The following CNTN5 variants were observed in gnomAD, a reference collection of about 807,000 sequenced individuals.
CNTN5 encodes contactin 5.
A neutral mutation model predicts 129.1 loss-of-function variants in CNTN5; 77 were observed. The observed-to-expected ratio is 0.60, with a 90% CI of 0.50 to 0.72. The LOEUF is 0.72. Ranked by LOEUF, CNTN5 falls within the 30% of genes least tolerant of loss-of-function variation. The probability of loss-of-function intolerance (pLI) is 0.00; values close to 1 mark genes in which losing one functional copy is unlikely to be tolerated. For synonymous variants in CNTN5, 509 were observed against 465.6 expected, an observed-to-expected ratio of 1.09 and a Z score of -1.20; for missense variants, 1,478 against 1,328.8, an observed-to-expected ratio of 1.11 and a Z score of -1.75.
chr11:99,206,603 A>G (rs1420895301), intron 1 of CNTN5, among the ~76,000 whole-genome samples: 4 of 149,494 alleles, frequency 2.7e-5, no homozygotes, highest in Non-Finnish European at 6.0e-5. Flanking sequence ...GGTTTTGACA[A>G]AAGTTCTTAC....
At chr11:99,241,317 G>GTT (rs1565430527) in intron 1 of CNTN5, among the ~76,000 whole-genome samples, 1,165 of 59,824 alleles carry the variant, frequency 0.019, 14 homozygotes, top group African/African-American at 0.061. Context: ...TTTGATTGTT[G>GTT]GTTTTTTTTT....
chr11:99,281,699 A>G (rs987435176), intron 1 of CNTN5, among the ~76,000 whole-genome samples: 5 of 152,038 alleles, frequency 3.3e-5, no homozygotes, highest in African/African-American at 1.2e-4. Flanking sequence ...ATTTCAATAT[A>G]TAATCATATT....
intron 8 of CNTN5, among the ~76,000 whole-genome samples, chr11:99,971,477 A>C (rs1951250900): frequency 6.6e-6 from 1 of 151,754 alleles, no homozygotes; most frequent in Admixed American, 6.6e-5. Context: ...CGAGAGGCGG[A>C]GGTTGCAGTG....
Position 100,215,500 on chromosome 11 carries a change from C to A in CNTN5, c.1885-9192C>A, listed in dbSNP as rs988211425. 5.9e-5 allele frequency among the ~76,000 whole-genome samples: 9 copies of A among 152,130 alleles called. 1 individual carries two copies. In the South Asian group the frequency reaches 6.2e-4, roughly 11 times the overall value. On this transcript the variant is annotated intron_variant, in intron 15 of 24. Coordinates refer to ENST00000524871, the MANE Select transcript of CNTN5 (RefSeq NM_014361.4). ...GTAGTGTTACCATAAAGCACAGCAA[C>A]TAATGCAGTGTAAAACAGATTGTGA...
chr11:100,192,693 T>A (rs1452575), intron 14 of CNTN5, among the ~76,000 whole-genome samples: 1 of 151,806 alleles, frequency 6.6e-6, no homozygotes, highest in African/African-American at 2.4e-5. Context: ...AGCTAATCAC[T>A]AACTTAACTC....
intron 1 of CNTN5, among the ~76,000 whole-genome samples, chr11:99,137,855 T>C (rs4753942): frequency 0.9 from 136,687 of 151,946 alleles, 61,684 homozygotes; most frequent in East Asian, 0.99. Flanking sequence ...TAAGGGTATT[T>C]CTCCCCTGCA....
intron 15 of CNTN5, among the ~76,000 whole-genome samples, chr11:100,213,927 T>C (rs180792052): frequency 6.6e-6 from 1 of 152,254 alleles, no homozygotes; most frequent in Admixed American, 6.5e-5. Context: ...TTTCTAAGCA[T>C]CAGAAACTTT....
At chr11:99,500,427 TC>T (rs1946384878) in intron 2 of CNTN5, among the ~76,000 whole-genome samples, 1 of 152,168 alleles carries the variant, frequency 6.6e-6, no homozygotes, top group Non-Finnish European at 1.5e-5. Context: ...AATATTTTTT[TC>T]TAAACTCTCG....
At chr11:99,089,345 A>G (rs905395256) in intron 1 of CNTN5, among the ~76,000 whole-genome samples, 11 of 152,220 alleles carry the variant, frequency 7.2e-5, no homozygotes, top group Admixed American at 7.2e-4. Context: ...AACACTTTAT[A>G]CAGATAATCA....
chr11:99,432,418 T>TCTTTTCTTTTCCTTTTCTTTC (rs1943409285), intron 2 of CNTN5, among the ~76,000 whole-genome samples: 1 of 150,482 alleles, frequency 6.6e-6, no homozygotes, highest in African/African-American at 2.4e-5. Flanking sequence ...TCTGTTTCTT[T>TCTTTTCTTTTCCTTTTCTTTC]CTTTTCTTTT....
At chr11:99,810,879 GT>G (rs1355311341) in intron 3 of CNTN5, among the ~76,000 whole-genome samples, 8 of 152,012 alleles carry the variant, frequency 5.3e-5, no homozygotes, top group Admixed American at 2.6e-4. Context: ...TATGTCTTCT[GT>G]TTTTTTCTGT....
At chr11:99,387,036 G>C (rs1044839269) in intron 2 of CNTN5, among the ~76,000 whole-genome samples, 3 of 151,936 alleles carry the variant, frequency 2.0e-5, no homozygotes, top group Admixed American at 2.0e-4. Context: ...TTAATTACTA[G>C]TAAAATTTTT....
intron 3 of CNTN5, among the ~76,000 whole-genome samples, chr11:99,736,948 A>G (rs766168217): frequency 6.6e-5 from 10 of 152,140 alleles, no homozygotes; most frequent in Non-Finnish European, 1.0e-4. Flanking sequence ...TAAGAAAATC[A>G]TAAAAGCCTG....
At chr11:99,255,603 A>G (rs2135806096) in intron 1 of CNTN5, among the ~76,000 whole-genome samples, 1 of 151,826 alleles carries the variant, frequency 6.6e-6, no homozygotes, top group Non-Finnish European at 1.5e-5. Flanking sequence ...CAGGAGATTA[A>G]CGGACCACAA....
intron 13 of CNTN5, among the ~76,000 whole-genome samples, chr11:100,091,747 G>C (rs1413964745): frequency 6.6e-6 from 1 of 151,910 alleles, no homozygotes; most frequent in African/African-American, 2.4e-5. Context: ...TTTTTTATTT[G>C]TCTCACTAAC....
chr11:99,612,858 G>A (rs1241567541), intron 3 of CNTN5, among the ~76,000 whole-genome samples: 1 of 152,146 alleles, frequency 6.6e-6, no homozygotes, highest in Admixed American at 6.5e-5. Context: ...CAACACTGTT[G>A]TGAAGTGAAG....
chr11:99,266,809 A>G (rs923296927), intron 1 of CNTN5, among the ~76,000 whole-genome samples: 1 of 152,048 alleles, frequency 6.6e-6, no homozygotes, highest in Non-Finnish European at 1.5e-5. Flanking sequence ...GAACAAGTGT[A>G]CTTTGCCAGA....
intron 1 of CNTN5, among the ~76,000 whole-genome samples, chr11:99,281,205 G>T (rs924848180): frequency 6.6e-6 from 1 of 151,858 alleles, no homozygotes; most frequent in African/African-American, 2.4e-5. Context: ...GGAATAGAAT[G>T]ATCAGAGTTT....
intron 13 of CNTN5, among the ~76,000 whole-genome samples, chr11:100,139,286 T>C (rs1031436109): frequency 1.3e-5 from 2 of 152,078 alleles, no homozygotes; most frequent in African/African-American, 4.8e-5. Flanking sequence ...ATTGTAGAAG[T>C]ACCACACTTC....
Sources: gnomAD v4.1 joint callset for allele counts (sites outside exome capture counted in the v4.1 genomes callset) on GRCh38, gnomAD v4.1.1 for gene constraint, MANE v1.5 for transcripts, NCBI Gene and HGNC (gene_info 2026-07-23, HGNC 2026-07-21) for gene names.